Variants in POTEJ observed in about 807,000 individuals in gnomAD.
POTEJ encodes POTE ankyrin domain family, member J.
POTEJ carries 11 observed loss-of-function variants against 69.0 expected under a neutral mutation model. The observed-to-expected ratio is 0.16, with a 90% CI of 0.10 to 0.26. The LOEUF (loss-of-function observed/expected upper bound fraction) is 0.26, where lower values mean the gene tolerates loss of function less well. Ranked by LOEUF, POTEJ falls within the 10% of genes least tolerant of loss-of-function variation. POTEJ has a pLI of 1.00. For missense variants in POTEJ, 327 were observed against 1,045.5 expected (o/e 0.31, Z 9.48); for synonymous variants, 117 against 381.1 (o/e 0.31, Z 8.07).
In POTEJ at chr2:130,657,611, G is replaced by A. The variant is rs771859022; in HGVS notation, c.2851G>A (p.Asp951Asn). 2 of 1,531,320 alleles carry A rather than the reference G, an allele frequency of 1.3e-6. No individual in the cohort carries two copies. The highest frequency in any genetic ancestry group is 1.8e-5 in the Admixed American group (1 of 56,850). 94.9% of individuals were successfully genotyped at this position (1,531,320 alleles called of 1,614,324 possible). A position where few individuals can be genotyped will look rare whatever the true frequency, so the allele number is the denominator to read the frequency against. Residue 951 changes from aspartate to asparagine, a missense_variant, in exon 15 of 15, where the codon GAC (aspartate) becomes AAC (asparagine). Physicochemically the swap from Asp to Asn is conservative, Grantham distance 23. Coordinates refer to ENST00000409602, the MANE Select transcript of POTEJ (RefSeq NM_001277083.2). The part of the protein sequence containing the change: ...TFNSIMKSDV[D>N]IRKDLYTNTV... The stretch of plus-strand genomic sequence containing the variant: ...CAACTCCATCATGAAGTCTGATGTG[G>A]ACATCCGCAAAGACCTGTACACCAA...
At chr2:130,613,384 G>GTA (rs753097212) in intron 1 of POTEJ, among the ~76,000 whole-genome samples, 7,405 of 83,318 alleles carry the variant, frequency 0.089, 395 homozygotes, top group East Asian at 0.22. Context: ...GTGTGTGTGT[G>GTA]TATATATATA....
intron 9 of POTEJ, among the ~76,000 whole-genome samples, chr2:130,634,242 C>A (rs866853594): frequency 4.6e-3 from 700 of 151,920 alleles, no homozygotes; most frequent in Middle Eastern, 0.024. Context: ...TAAAAGTGCC[C>A]TGCGTGTGTG....
At chr2:130,646,630 G>C (rs1478926896) in intron 13 of POTEJ, among the ~76,000 whole-genome samples, 1 of 145,558 alleles carries the variant, frequency 6.9e-6, no homozygotes, top group African/African-American at 2.6e-5. Context: ...TTGGGGTACA[G>C]ATTATTTCAC....
Position 130,633,039 on chromosome 2 carries a change from G to A in POTEJ, c.1298+383G>A, listed in dbSNP as rs566282395. On this transcript the variant is annotated intron_variant, in intron 9 of 14. Transcript: ENST00000409602. ...TTAGTTTTTTGGTCATCTCCCTCCCGCGACGCTCCACCTTCAAGTAGACCC... is the reference window on the plus strand; with the variant it reads ...TTAGTTTTTTGGTCATCTCCCTCCCACGACGCTCCACCTTCAAGTAGACCC... 2.3e-3 allele frequency among the ~76,000 whole-genome samples: 339 copies of A among 145,494 alleles called. 4 individuals carry two copies. Among genetic ancestry groups the A allele is most frequent in the African/African-American group, 8.5e-3 (322 of 37,728 alleles).
chr2:130,656,358 C>A (rs576604379), intron 14 of POTEJ, among the ~76,000 whole-genome samples, 191 bp from the exon 15 acceptor site: 2 of 147,240 alleles, frequency 1.4e-5, no homozygotes, highest in African/African-American at 5.2e-5. Context: ...TATTTAAAGA[C>A]GATGAAAAAT....
chr2:130,634,030 G>A (rs1686001058), intron 9 of POTEJ, among the ~76,000 whole-genome samples: 1 of 150,894 alleles, frequency 6.6e-6, no homozygotes, highest in African/African-American at 2.5e-5. Context: ...TCCCACCTCA[G>A]CCTCTCTACT....
At chr2:130,643,296 G>A (rs1158091105) in intron 10 of POTEJ, among the ~76,000 whole-genome samples, 1 of 138,968 alleles carries the variant, frequency 7.2e-6, no homozygotes, top group African/African-American at 2.7e-5. Context: ...CACTTTCAGA[G>A]GGGATCACGA....
chr2:130,612,533 G>A (rs1454468352), intron 1 of POTEJ, among the ~76,000 whole-genome samples: 1 of 152,294 alleles, frequency 6.6e-6, no homozygotes, highest in African/African-American at 2.4e-5. Context: ...TTGGGAGGCG[G>A]GCGGATCACG....
In POTEJ at chr2:130,623,048, T is replaced by C. The variant is rs1407987411; in HGVS notation, c.945-1016T>C. On this transcript the variant is annotated intron_variant, in intron 5 of 14. Coordinates refer to ENST00000409602, the MANE Select transcript of POTEJ (RefSeq NM_001277083.2). ...ACCCAAATATTGAAATTGTGATTTC[T>C]GCTGCAAAAATAGTCATGTAAGATG... is the stretch of plus-strand genomic sequence containing the variant. The C allele has an allele frequency of 3.5e-5, 5 of 143,750 alleles. No homozygotes were observed. The South Asian group carries it at 1.1e-3, about 30-fold the overall frequency. The allele number at this position is 143,750 out of a possible 1,614,324, so 8.9% of individuals were successfully genotyped here.
intron 10 of POTEJ, among the ~76,000 whole-genome samples, chr2:130,639,053 C>A (rs1573987202): frequency 6.6e-6 from 1 of 152,410 alleles, no homozygotes; most frequent in African/African-American, 2.4e-5. Flanking sequence ...AGGGTTCATG[C>A]TCCTATGAGT....
intron 14 of POTEJ, among the ~76,000 whole-genome samples, chr2:130,656,047 G>A (rs1686973721): frequency 6.9e-6 from 1 of 144,544 alleles, no homozygotes; most frequent in Non-Finnish European, 1.5e-5. Flanking sequence ...TCGGTAAAAT[G>A]TTCTTCAGTA....
At chr2:130,648,487 A>G (rs1686673505) in intron 13 of POTEJ, among the ~76,000 whole-genome samples, 1 of 139,214 alleles carries the variant, frequency 7.2e-6, no homozygotes, top group South Asian at 2.2e-4. Context: ...TAAGTCTTCA[A>G]TTTCAGCACT....
At chr2:130,655,463 A>G (rs374208293) in intron 14 of POTEJ, among the ~76,000 whole-genome samples, 8 of 152,376 alleles carry the variant, frequency 5.3e-5, no homozygotes, top group East Asian at 1.9e-4. Flanking sequence ...TGTGGATACC[A>G]TTATCCTTAC....
chr2:130,640,781 A>G lies in POTEJ; in HGVS notation c.1369+2092A>G, dbSNP rs1686330971. 3.9e-5 allele frequency among the ~76,000 whole-genome samples: 6 copies of G among 152,314 alleles called. No individual in the cohort carries two copies. The South Asian group carries it at 6.2e-4, about 16-fold the overall frequency. On this transcript the variant is annotated intron_variant, in intron 10 of 14. Coordinates refer to ENST00000409602, the MANE Select transcript of POTEJ (RefSeq NM_001277083.2). ...TAAATACCTGATTAGCTTAGAATAAACATTTCTGTTTCTGAGGCTGAGGAG... is the reference window on the plus strand; with the variant it reads ...TAAATACCTGATTAGCTTAGAATAAGCATTTCTGTTTCTGAGGCTGAGGAG...
chr2:130,630,719 A>G (rs1665448721), intron 7 of POTEJ, among the ~76,000 whole-genome samples: 1 of 145,248 alleles, frequency 6.9e-6, no homozygotes, highest in Non-Finnish European at 1.5e-5. Flanking sequence ...ATAACATTCT[A>G]ATTTATTTCA....
At chr2:130,641,973 A>G (rs1340673022) in intron 10 of POTEJ, among the ~76,000 whole-genome samples, 1 of 152,056 alleles carries the variant, frequency 6.6e-6, no homozygotes, top group Non-Finnish European at 1.5e-5. Flanking sequence ...TTAGGGAATG[A>G]TACTCTCCAT....
chr2:130,621,196 CT>C (rs1685534298), intron 4 of POTEJ, among the ~76,000 whole-genome samples: 1 of 148,806 alleles, frequency 6.7e-6, no homozygotes. Context: ...ATAAGTGGCC[CT>C]AACATTGTTT....
At chr2:130,643,601 C>A (rs1344520019) in intron 10 of POTEJ, among the ~76,000 whole-genome samples, 1 of 143,592 alleles carries the variant, frequency 7.0e-6, no homozygotes, top group Admixed American at 7.1e-5. Flanking sequence ...ATGTTGTACA[C>A]TAATAAAGGT....
At chr2:130,615,570 C>G (rs1403798078) in intron 1 of POTEJ, among the ~76,000 whole-genome samples, 1 of 140,110 alleles carries the variant, frequency 7.1e-6, no homozygotes, top group Non-Finnish European at 1.5e-5. Context: ...CACACAGATA[C>G]CTAGAGGGAA....
Sources: allele counts gnomAD v4.1 joint callset (sites outside exome capture counted in the v4.1 genomes callset), GRCh38; gene constraint gnomAD v4.1.1; transcripts MANE v1.5; gene names NCBI Gene and HGNC (gene_info 2026-07-23, HGNC 2026-07-21).